MACROD2: variants seen among roughly 807,000 people sequenced by gnomAD.
MACROD2 encodes the protein mono-ADP ribosylhydrolase 2.
Under a neutral mutation model 70.4 loss-of-function variants are expected in MACROD2, and 36 were observed. That is an observed-to-expected ratio of 0.51 (90% CI 0.39 to 0.68). The LOEUF is 0.68. MACROD2 is among the 30% of genes least tolerant of loss of function. The probability of loss-of-function intolerance (pLI) is 0.00; values close to 1 mark genes in which losing one functional copy is unlikely to be tolerated. For missense variants in MACROD2, 496 were observed against 538.4 expected, an observed-to-expected ratio of 0.92 and a Z score of 0.78; for synonymous variants, 172 against 178.8, an observed-to-expected ratio of 0.96 and a Z score of 0.30.
At chr20:15,443,439 G>A (rs2046522366) in intron 7 of MACROD2, among the ~76,000 whole-genome samples, 1 of 152,078 alleles carries the variant, frequency 6.6e-6, no homozygotes, top group Admixed American at 6.6e-5. Flanking sequence ...TGAACAACAG[G>A]GAGAGTTTCC....
chr20:14,525,638 G>GTGT (rs1189026675), intron 4 of MACROD2, among the ~76,000 whole-genome samples: 1 of 152,198 alleles, frequency 6.6e-6, no homozygotes, highest in Non-Finnish European at 1.5e-5. Flanking sequence ...ATTTTACCAT[G>GTGT]TGTTACCACG....
At chr20:15,593,635 G>A (rs1240251925) in intron 8 of MACROD2, among the ~76,000 whole-genome samples, 1 of 152,182 alleles carries the variant, frequency 6.6e-6, no homozygotes, top group Non-Finnish European at 1.5e-5. Context: ...AATAATGCTT[G>A]TGGGTATAGA....
At chr20:14,481,846 G>T (rs891480163) in intron 3 of MACROD2, among the ~76,000 whole-genome samples, 15 of 152,072 alleles carry the variant, frequency 9.9e-5, no homozygotes, top group Non-Finnish European at 1.5e-5. Flanking sequence ...ATTATTTGGA[G>T]GATTAAGATA....
chr20:15,282,767 C>T (rs908364583), intron 6 of MACROD2, among the ~76,000 whole-genome samples: 1 of 152,192 alleles, frequency 6.6e-6, no homozygotes, highest in African/African-American at 2.4e-5. Context: ...CTATTCCAAC[C>T]TCTGCCTGTT....
chr20:15,937,327 G>C, intron 11 of MACROD2, 149 bp from the exon 12 acceptor site: 1 of 647,546 alleles, frequency 1.5e-6, no homozygotes, highest in East Asian at 2.8e-5. Context: ...CAAACCACTA[G>C]CCCCTTCAAA....
At chr20:15,484,232 G>A (rs2047136780) in intron 7 of MACROD2, among the ~76,000 whole-genome samples, 1 of 151,664 alleles carries the variant, frequency 6.6e-6, no homozygotes, top group Admixed American at 6.6e-5. Flanking sequence ...AGTCTTGTAA[G>A]TTTTTCTTGA....
At chr20:15,544,712 G>A (rs1302565524) in intron 8 of MACROD2, among the ~76,000 whole-genome samples, 1 of 152,194 alleles carries the variant, frequency 6.6e-6, no homozygotes, top group African/African-American at 2.4e-5. Flanking sequence ...GCAGAGCTAT[G>A]TTTTACTTAG....
At chr20:15,406,053 G>A (rs1039695235) in intron 6 of MACROD2, among the ~76,000 whole-genome samples, 2 of 152,132 alleles carry the variant, frequency 1.3e-5, no homozygotes, top group South Asian at 4.1e-4. Context: ...CGCCGTTAGG[G>A]ACTTCCGAGA....
At chr20:14,768,653 G>T (rs2072124237) in intron 5 of MACROD2, among the ~76,000 whole-genome samples, 1 of 151,816 alleles carries the variant, frequency 6.6e-6, no homozygotes, top group South Asian at 2.1e-4. Flanking sequence ...GTCTCGCTCT[G>T]TTGCCCAGGT....
In MACROD2 at chr20:14,222,854, C is replaced by G. The variant is rs1475156317; in HGVS notation, c.271+137126C>G. On this transcript the variant is annotated intron_variant, in intron 3 of 17. Coordinates refer to ENST00000684519, the MANE Select transcript of MACROD2 (RefSeq NM_001351661.2). ...AAAAAAAAAAAAAAGAATTGAGAAG[C>G]ATTTTGTAGAACAGATTGGAGTTTA... Among the ~76,000 whole-genome samples the G allele has an allele frequency of 2.8e-5, 4 of 144,608 alleles. No individual in the cohort carries two copies. In the Admixed American group the frequency reaches 2.8e-4, roughly 10 times the overall value. The allele number at this position is 144,608 out of a possible 152,430, so 94.9% of individuals were successfully genotyped here. A position where few individuals can be genotyped will look rare whatever the true frequency, so the allele number is the denominator to read the frequency against.
intron 15 of MACROD2, among the ~76,000 whole-genome samples, chr20:16,028,267 G>A (rs6135645): frequency 0.029 from 4,376 of 152,256 alleles, 175 homozygotes; most frequent in East Asian, 0.21. Flanking sequence ...ATTTGGCCTC[G>A]TGGGTGGGGG....
At chr20:14,775,534 C>T (rs1157696062) in intron 5 of MACROD2, among the ~76,000 whole-genome samples, 1 of 151,944 alleles carries the variant, frequency 6.6e-6, no homozygotes, top group Admixed American at 6.6e-5. Context: ...ACAGCAAGAA[C>T]TCACTCATTA....
At chr20:15,063,020 A>G (rs976195547) in intron 5 of MACROD2, among the ~76,000 whole-genome samples, 2 of 152,232 alleles carry the variant, frequency 1.3e-5, no homozygotes, top group Non-Finnish European at 2.9e-5. Flanking sequence ...CTGGTGCTAT[A>G]TATTTCCTTC....
At chr20:15,039,201 G>A (rs1021340825) in intron 5 of MACROD2, among the ~76,000 whole-genome samples, 1 of 152,048 alleles carries the variant, frequency 6.6e-6, no homozygotes, top group African/African-American at 2.4e-5. Context: ...AATGTGATTG[G>A]ACAAAAAGGG....
intron 3 of MACROD2, among the ~76,000 whole-genome samples, chr20:14,280,735 A>G (rs1241198776): frequency 6.6e-6 from 1 of 152,228 alleles, no homozygotes; most frequent in East Asian, 1.9e-4. Context: ...TTTGTAGGAA[A>G]AAAAACTTCC....
At chr20:14,090,791 A>G (rs1601210756) in intron 3 of MACROD2, among the ~76,000 whole-genome samples, 2 of 152,312 alleles carry the variant, frequency 1.3e-5, no homozygotes, top group Non-Finnish European at 1.5e-5. Context: ...GAATCAACAG[A>G]TCATATGGCA....
At chr20:15,229,806 G>C (rs1053030567) in intron 5 of MACROD2, 134 bp from the exon 6 acceptor site, 12 of 834,584 alleles carry the variant, frequency 1.4e-5, no homozygotes, top group Non-Finnish European at 1.8e-5. Context: ...AAATATTTGC[G>C]TCGCCAATGT....
chr20:15,677,208 A>C (rs1217422767), intron 8 of MACROD2, among the ~76,000 whole-genome samples: 2 of 152,170 alleles, frequency 1.3e-5, no homozygotes, highest in Non-Finnish European at 2.9e-5. Context: ...CTATTGTAGT[A>C]ATCTCTTTGT....
At chr20:14,725,125 G>T (rs1203269851) in intron 5 of MACROD2, among the ~76,000 whole-genome samples, 1 of 152,048 alleles carries the variant, frequency 6.6e-6, no homozygotes, top group Non-Finnish European at 1.5e-5. Context: ...TAGGTTTTTG[G>T]CTTGAGCAAC....
Sources: allele counts gnomAD v4.1 joint callset (sites outside exome capture counted in the v4.1 genomes callset), GRCh38; gene constraint gnomAD v4.1.1; transcripts MANE v1.5; gene names NCBI Gene and HGNC (gene_info 2026-07-23, HGNC 2026-07-21).